Variants in HSD17B4 observed in about 807,000 individuals in gnomAD.
The protein encoded by HSD17B4 is peroxisomal multifunctional enzyme type 2.
Under a neutral mutation model 101.0 loss-of-function variants are expected in HSD17B4, and 70 were observed. The ratio of observed to expected loss-of-function variants is 0.69; its 90% CI spans 0.57 to 0.85. HSD17B4 has a LOEUF of 0.85. Ranked by LOEUF, HSD17B4 falls within the 40% of genes least tolerant of loss-of-function variation. The probability of loss-of-function intolerance (pLI) is 0.00; values close to 1 mark genes in which losing one functional copy is unlikely to be tolerated. For missense variants in HSD17B4, 984 were observed against 892.4 expected (o/e 1.10, Z -1.31); for synonymous variants, 347 against 297.1 (o/e 1.17, Z -1.73).
intron 14 of HSD17B4, 116 bp downstream of exon 14, chr5:119,502,208 T>C (rs1185967870): frequency 2.7e-6 from 2 of 742,028 alleles, no homozygotes; most frequent in African/African-American, 1.7e-5. Context: ...ATATCACAAA[T>C]TGTTATGCAC....
intron 16 of HSD17B4, 21 bp downstream of exon 16, chr5:119,509,265 C>A: frequency 2.3e-6 from 3 of 1,317,560 alleles, no homozygotes; most frequent in Non-Finnish European, 2.2e-6. Flanking sequence ...ACTTTGTAAG[C>A]AAAATATATG....
rs1173685826 is a variant in HSD17B4, at chr5:119,529,969, A to T, written c.1843A>T (p.Thr615Ser). Residue 615 changes from threonine (T) to serine (S), a missense_variant, in exon 21 of 24, where the codon ACA becomes TCA. Coordinates refer to ENST00000510025, the MANE Select transcript of HSD17B4 (RefSeq NM_000414.4). ...ACCAACATCTGGTACTTCAGCTAAG[A>T]CACCCTCTGAGGTAGGTTATAAAAA... ...LAPTSGTSAK[T>S]PSEGGKLQST... 3 of 1,595,096 alleles carry T rather than the reference A, an allele frequency of 1.9e-6. No homozygotes were observed. Among genetic ancestry groups the T allele is most frequent in the Admixed American group, 3.3e-5 (2 of 59,902 alleles).
rs567104008 is a variant in HSD17B4, at chr5:119,502,124, C to T, written c.1261+32C>T. 6.7e-5 allele frequency: 91 copies of T among 1,351,788 alleles called. 2 individuals carry two copies. The South Asian group carries it at 1.0e-3, about 15-fold the overall frequency. 83.7% of individuals were successfully genotyped at this position (1,351,788 alleles called of 1,614,324 possible). On this transcript the variant is annotated intron_variant, in intron 14 of 23. Transcript: ENST00000510025. ...TATTGATATACTAATTCCATAATAC[C>T]ATACTTTTATTTCCAGATTAACCTT...
At chr5:119,538,058 T>C (rs759463572) in intron 23 of HSD17B4, among the ~76,000 whole-genome samples, 33 of 152,114 alleles carry the variant, frequency 2.2e-4, no homozygotes, top group Non-Finnish European at 4.3e-4. Context: ...AGCTCCACAG[T>C]GAGAGAACCA....
At chr5:119,459,283 A>G (rs1160699056) in intron 2 of HSD17B4, among the ~76,000 whole-genome samples, 1 of 152,212 alleles carries the variant, frequency 6.6e-6, no homozygotes, top group Non-Finnish European at 1.5e-5. Context: ...GTCTTAGCTA[A>G]CTTCCGGGAT....
chr5:119,455,393 T>A lies in HSD17B4; in HGVS notation c.59-922T>A, dbSNP rs560204234. 1.5e-3 allele frequency among the ~76,000 whole-genome samples: 224 copies of A among 152,190 alleles called. 1 individual carries two copies. Among genetic ancestry groups the A allele is most frequent in the Non-Finnish European group, 2.7e-3 (186 of 68,010 alleles). On this transcript the variant is annotated intron_variant, in intron 1 of 23. Coordinates refer to ENST00000510025, the MANE Select transcript of HSD17B4 (RefSeq NM_000414.4). ...TTAGCTGGGCGTGGTGGCGGGCGCC[T>A]GTAGTCCCAGCTACTCGCGAGGCTG...
At chr5:119,532,849 G>A (rs1284630358) in intron 22 of HSD17B4, among the ~76,000 whole-genome samples, 2 of 151,970 alleles carry the variant, frequency 1.3e-5, no homozygotes, top group African/African-American at 4.8e-5. Flanking sequence ...AAACCAAAAA[G>A]CTCTAAAAAT....
chr5:119,464,474 C>T (rs1452407132), intron 2 of HSD17B4: 1 of 152,112 alleles, frequency 6.6e-6, no homozygotes, highest in Non-Finnish European at 1.5e-5. Flanking sequence ...TTCTTGGCAC[C>T]TTTGTAGAAA....
At position 119,513,565 on chromosome 5, in the gene HSD17B4, G is replaced by A. The variant is rs146630411; in HGVS notation, c.1438-1416G>A. On this transcript the variant is annotated intron_variant, in intron 16 of 23. Coordinates refer to ENST00000510025, the MANE Select transcript of HSD17B4 (RefSeq NM_000414.4). Reference sequence around the variant, plus strand: ...CACCTGGCTAATTTTTGTATTTTCAGTAGAGACGGGGTTTCACCATGTTGG... The same window carrying A: ...CACCTGGCTAATTTTTGTATTTTCAATAGAGACGGGGTTTCACCATGTTGG... Among the ~76,000 whole-genome samples the A allele has an allele frequency of 6.0e-4, 91 of 152,250 alleles. 1 individual carries two copies. In the East Asian group the frequency reaches 0.015, roughly 25 times the overall value.
At chr5:119,500,923 T>C (rs1394216495) in intron 13 of HSD17B4, among the ~76,000 whole-genome samples, 1 of 152,142 alleles carries the variant, frequency 6.6e-6, no homozygotes, top group African/African-American at 2.4e-5. Context: ...TTTTGAATCA[T>C]GGGGCTATGA....
At chr5:119,498,023 C>T (rs1305955781) in intron 12 of HSD17B4, among the ~76,000 whole-genome samples, 2 of 152,156 alleles carry the variant, frequency 1.3e-5, no homozygotes, top group African/African-American at 4.8e-5. Context: ...AAGTAAAATG[C>T]TTCCCATTGA....
chr5:119,541,124 T>G (rs1754953445), intron 23 of HSD17B4, among the ~76,000 whole-genome samples: 1 of 152,202 alleles, frequency 6.6e-6, no homozygotes, highest in African/African-American at 2.4e-5. Flanking sequence ...GAAGGAGAAC[T>G]TAAGGAACTT....
In HSD17B4 at chr5:119,527,197, A is replaced by G; in HGVS notation, c.1745A>G (p.Asn582Ser). 1 of 1,607,578 alleles carries G rather than the reference A, an allele frequency of 6.2e-7. No homozygotes were observed. Residue 582 changes from asparagine (N) to serine (S), a missense_variant, in exon 20 of 24, where the codon AAC becomes AGC. Transcript: ENST00000510025. The part of the protein sequence containing the change: ...TLQTEMWKEG[N>S]RIHFQTKVQE... ...CAAACTGAGATGTGGAAGGAAGGAA[A>G]CAGAATTCATTTTCAAACCAAGGTA... is the stretch of plus-strand genomic sequence containing the variant.
At chr5:119,521,974 A>G (rs1028812552) in intron 17 of HSD17B4, among the ~76,000 whole-genome samples, 4 of 151,412 alleles carry the variant, frequency 2.6e-5, no homozygotes, top group African/African-American at 4.9e-5. Flanking sequence ...TCTAGGGTAC[A>G]TGTGCACAAT....
chr5:119,475,680 G>T (rs767370548), intron 4 of HSD17B4, 26 bp from the exon 5 acceptor site: 3 of 1,567,476 alleles, frequency 1.9e-6, no homozygotes, highest in Non-Finnish European at 2.6e-6. Context: ...GCTTTTAGAT[G>T]TAACTTGTAT....
At chr5:119,465,378 G>A (rs559167401) in intron 2 of HSD17B4, among the ~76,000 whole-genome samples, 2 of 152,172 alleles carry the variant, frequency 1.3e-5, no homozygotes, top group Admixed American at 1.3e-4. Context: ...TTCTTACTCA[G>A]TTCATGTGAG....
In HSD17B4 at chr5:119,474,407, T is replaced by G; in HGVS notation, c.227T>G (p.Val76Gly). Reference protein sequence around the residue: ...GGKAVANYDSVEEGEKVVKTA... With the variant: ...GGKAVANYDSGEEGEKVVKTA... ...AAATTTTCCTTTCCCTCAGATTCAGTGGAAGAAGGAGAGAAGGTTGTGAAG... is the reference window on the plus strand; with the variant it reads ...AAATTTTCCTTTCCCTCAGATTCAGGGGAAGAAGGAGAGAAGGTTGTGAAG... The change falls in exon 4 of 24, where the codon GTG becomes GGG. Residue 76 changes from valine to glycine, a missense_variant. By Grantham distance (109) the Val-to-Gly change is moderately radical. Transcript: ENST00000510025. 6.2e-7 allele frequency: 1 copy of G among 1,607,254 alleles called. No homozygotes were observed. The highest frequency in any genetic ancestry group is 8.5e-7 in the Non-Finnish European group (1 of 1,173,896).
At chr5:119,492,007 T>A in intron 9 of HSD17B4, 93 bp from the exon 10 acceptor site, 1 of 919,882 alleles carries the variant, frequency 1.1e-6, no homozygotes, top group Non-Finnish European at 1.8e-6. Context: ...ATTCTAATAC[T>A]GCTAGTAGAG....
intron 11 of HSD17B4, among the ~76,000 whole-genome samples, chr5:119,495,507 G>A (rs1580612314): frequency 1.3e-5 from 2 of 152,276 alleles, no homozygotes; most frequent in Middle Eastern, 3.4e-3. Context: ...AGTAATTCAT[G>A]TTGTCTATTT....
Sources: gnomAD v4.1 joint callset for allele counts (sites outside exome capture counted in the v4.1 genomes callset) on GRCh38, gnomAD v4.1.1 for gene constraint, MANE v1.5 for transcripts, NCBI Gene and HGNC (gene_info 2026-07-23, HGNC 2026-07-21) for gene names.